Variants in ELF5 observed in about 807,000 individuals in gnomAD.
The protein encoded by ELF5 is ETS-related transcription factor Elf-5.
Under a neutral mutation model 38.2 loss-of-function variants are expected in ELF5, and 31 were observed. The observed-to-expected ratio is 0.81, with a 90% CI of 0.61 to 1.10. ELF5 has a LOEUF of 1.10. ELF5 is among the 50% of genes least tolerant of loss of function. The pLI is 0.00. For missense variants in ELF5, 300 were observed against 306.6 expected (o/e 0.98, Z 0.16); for synonymous variants, 121 against 112.5 (o/e 1.08, Z -0.48).
intron 2 of ELF5, among the ~76,000 whole-genome samples, chr11:34,493,960 G>T (rs1850249703): frequency 6.6e-6 from 1 of 152,102 alleles, no homozygotes; most frequent in Non-Finnish European, 1.5e-5. Flanking sequence ...AACCAGTCTT[G>T]GTGCTGATGC....
intron 2 of ELF5, among the ~76,000 whole-genome samples, chr11:34,496,368 G>A (rs1016761815): frequency 6.7e-6 from 1 of 150,320 alleles, no homozygotes; most frequent in Non-Finnish European, 1.5e-5. Context: ...TGGCTGCTCT[G>A]GGTGCCATGG....
intron 1 of ELF5, among the ~76,000 whole-genome samples, chr11:34,508,244 G>A (rs1850657428): frequency 6.6e-6 from 1 of 152,204 alleles, no homozygotes; most frequent in African/African-American, 2.4e-5. Context: ...GTTTACACCT[G>A]TAATCCCAGC....
chr11:34,505,942 C>A (rs886388003), intron 1 of ELF5, among the ~76,000 whole-genome samples, 189 bp from the exon 2 acceptor site: 2 of 152,184 alleles, frequency 1.3e-5, no homozygotes, highest in South Asian at 4.1e-4. Context: ...TCCTGTCTAT[C>A]CCCATTTTAG....
At chr11:34,495,011 G>A (rs546179064) in intron 2 of ELF5, among the ~76,000 whole-genome samples, 11 of 152,268 alleles carry the variant, frequency 7.2e-5, no homozygotes, top group South Asian at 4.1e-4. Flanking sequence ...TTGGTCCCCC[G>A]TCCCCCAGGA....
intron 3 of ELF5, among the ~76,000 whole-genome samples, 188 bp from the exon 4 acceptor site, chr11:34,490,247 A>C (rs1850130550): frequency 1.3e-5 from 2 of 152,094 alleles, no homozygotes; most frequent in Non-Finnish European, 2.9e-5. Flanking sequence ...AGAGGTGATA[A>C]TTTCCTCATT....
rs1473630179 is a variant in ELF5 at position 34,480,857 on chromosome 11, C to T, written c.586G>A (p.Val196Ile). 2 of 1,614,090 alleles carry T rather than the reference C, an allele frequency of 1.2e-6. No homozygotes were observed. Among genetic ancestry groups the T allele is most frequent in the South Asian group, 2.2e-5 (2 of 91,078 alleles). The change falls in exon 6 of 7, where the codon GTT becomes ATT. Residue 196 changes from valine (V) to isoleucine (I), a missense_variant. By Grantham distance (29) the Val-to-Ile change is conservative (BLOSUM62 3). Transcript: ENST00000257832. ...ATCTTTGCCAGGGCTTCCGATTTAA[C>T]CACCCGAAAAATTCCTTGTTCCCTA... The part of the protein sequence containing the change: ...EDREQGIFRV[V>I]KSEALAKMWG...
intron 3 of ELF5, among the ~76,000 whole-genome samples, chr11:34,490,495 G>GTCTC (rs1408789289): frequency 6.6e-6 from 1 of 152,206 alleles, no homozygotes; most frequent in Non-Finnish European, 1.5e-5. Flanking sequence ...AGAGTCTATA[G>GTCTC]TCTCTGACAT....
chr11:34,495,846 C>G (rs1224131867), intron 2 of ELF5, among the ~76,000 whole-genome samples: 1 of 152,202 alleles, frequency 6.6e-6, no homozygotes, highest in East Asian at 1.9e-4. Flanking sequence ...AGGGGCCATT[C>G]CTGAGTTCGG....
chr11:34,509,798 A>G (rs1850706627), intron 1 of ELF5, among the ~76,000 whole-genome samples: 1 of 152,194 alleles, frequency 6.6e-6, no homozygotes, highest in Admixed American at 6.5e-5. Flanking sequence ...AAAACTAAAG[A>G]AGAGGATGGC....
chr11:34,493,152 C>CT (rs968400224), intron 3 of ELF5: 1 of 502,082 alleles, frequency 2.0e-6, no homozygotes, highest in Non-Finnish European at 3.5e-6. Context: ...GCACAAACCT[C>CT]TTTTTTGTCC....
intron 5 of ELF5, among the ~76,000 whole-genome samples, chr11:34,482,179 A>C (rs1364641913): frequency 6.6e-6 from 1 of 152,240 alleles, no homozygotes; most frequent in African/African-American, 2.4e-5. Context: ...ATAGACATTT[A>C]ATGGATAATT....
At chr11:34,490,216 G>A (rs1260074723) in intron 3 of ELF5, among the ~76,000 whole-genome samples, 157 bp from the exon 4 acceptor site, 2 of 152,176 alleles carry the variant, frequency 1.3e-5, no homozygotes, top group African/African-American at 2.4e-5. Flanking sequence ...GTCTTAGAGT[G>A]TCACCCTGAA....
At chr11:34,500,095 A>G (rs1850423581) in intron 2 of ELF5, among the ~76,000 whole-genome samples, 1 of 152,206 alleles carries the variant, frequency 6.6e-6, no homozygotes, top group Admixed American at 6.5e-5. Context: ...ATTTGTTCTC[A>G]GGGAAACGGG....
At chr11:34,494,988 ATGG>A (rs1458831402) in intron 2 of ELF5, among the ~76,000 whole-genome samples, 1 of 152,222 alleles carries the variant, frequency 6.6e-6, no homozygotes, top group Admixed American at 6.5e-5. Context: ...TTAAGGATTC[ATGG>A]TGGACAGGTT....
chr11:34,490,757 C>T (rs1298846356), intron 3 of ELF5, among the ~76,000 whole-genome samples: 4 of 152,166 alleles, frequency 2.6e-5, no homozygotes, highest in African/African-American at 9.7e-5. Context: ...TGGTCCAACA[C>T]GAGGACTAAT....
In ELF5 at chr11:34,480,765, A is replaced by T. The variant is rs370229691; in HGVS notation, c.671+7T>A. The T allele has an allele frequency of 4.3e-5, 69 of 1,613,282 alleles. No individual in the cohort carries two copies. The highest frequency in any genetic ancestry group is 5.9e-6 in the Non-Finnish European group (7 of 1,179,760). ...AAGGCTCATAGTATTTTATGCTATT[A>T]ACTTACCTCAGGGCTCTGCTCAACT... On this transcript the variant is annotated splice_region_variant and intron_variant, in intron 6 of 6. Transcript: ENST00000257832.
At chr11:34,493,767 G>A (rs1850243986) in intron 2 of ELF5, 55 bp from the exon 3 acceptor site, 3 of 1,520,114 alleles carry the variant, frequency 2.0e-6, no homozygotes, top group Non-Finnish European at 9.1e-7. Flanking sequence ...GCCTTCGAGA[G>A]GGCCCCTGAA....
At position 34,478,831 on chromosome 11, in the gene ELF5, A is replaced by G. The variant is rs951684874; in HGVS notation, c.*1387T>C. The G allele has an allele frequency of 6.5e-6, 1 of 152,684 alleles. No homozygotes were observed. Among genetic ancestry groups the G allele is most frequent in the Non-Finnish European group, 1.5e-5 (1 of 68,042 alleles). 9.5% of individuals were successfully genotyped at this position (152,684 alleles called of 1,614,324 possible). On this transcript the variant is annotated 3_prime_UTR_variant, in exon 7 of 7. Coordinates refer to ENST00000257832, the MANE Select transcript of ELF5 (RefSeq NM_001422.4). ...ACTTTATTCACATTGTTTACAAACTATATCCACCTGGAAAACACATGAATC... is the reference window on the plus strand; with the variant it reads ...ACTTTATTCACATTGTTTACAAACTGTATCCACCTGGAAAACACATGAATC...
intron 4 of ELF5, among the ~76,000 whole-genome samples, chr11:34,483,214 A>G (rs865831109): frequency 1.3e-5 from 2 of 151,656 alleles, no homozygotes; most frequent in Non-Finnish European, 2.9e-5. Flanking sequence ...CCTCATCTCA[A>G]TCCTGTTTCA....
Sources: gnomAD v4.1 joint callset for allele counts (sites outside exome capture counted in the v4.1 genomes callset) on GRCh38, gnomAD v4.1.1 for gene constraint, MANE v1.5 for transcripts, NCBI Gene and HGNC (gene_info 2026-07-23, HGNC 2026-07-21) for gene names.